Variants in MROH7 observed in about 807,000 individuals in gnomAD.
The protein encoded by MROH7 is maestro heat like repeat family member 7.
Under a neutral mutation model 129.2 loss-of-function variants are expected in MROH7, and 113 were observed. That is an observed-to-expected ratio of 0.87 (90% CI 0.75 to 1.02). The LOEUF (loss-of-function observed/expected upper bound fraction) is 1.02, where lower values mean the gene tolerates loss of function less well. MROH7 is among the 50% of genes least tolerant of loss of function. The probability of loss-of-function intolerance (pLI) is 0.00; values close to 1 mark genes in which losing one functional copy is unlikely to be tolerated. For synonymous variants in MROH7, 655 were observed against 667.9 expected (o/e 0.98, Z 0.30); for missense variants, 1,601 against 1,671.3 (o/e 0.96, Z 0.73).
chr1:54,668,363 A>G (rs111946652), intron 4 of MROH7, among the ~76,000 whole-genome samples: 35 of 152,326 alleles, frequency 2.3e-4, no homozygotes, highest in African/African-American at 7.9e-4. Flanking sequence ...CTTCTTTACT[A>G]TATGAAATTA....
At chr1:54,675,969 A>G (rs1055069578) in intron 10 of MROH7, among the ~76,000 whole-genome samples, 3 of 151,728 alleles carry the variant, frequency 2.0e-5, no homozygotes, top group African/African-American at 4.9e-5. Context: ...AGAAAGAAAG[A>G]AAGGAAAATG....
At chr1:54,678,220 G>A (rs1228336289) in intron 10 of MROH7, among the ~76,000 whole-genome samples, 1 of 152,186 alleles carries the variant, frequency 6.6e-6, no homozygotes, top group Non-Finnish European at 1.5e-5. Context: ...TAACAACTGT[G>A]TAGATATACT....
At chr1:54,670,741 G>A (rs927984117) in intron 6 of MROH7, 59 bp from the exon 7 acceptor site, 63 of 1,347,088 alleles carry the variant, frequency 4.7e-5, no homozygotes, top group East Asian at 1.7e-4. Flanking sequence ...CTCAGCCCCC[G>A]TCTATAGCCA....
intron 3 of MROH7, among the ~76,000 whole-genome samples, chr1:54,663,046 C>A (rs945456959): frequency 1.3e-5 from 2 of 152,136 alleles, no homozygotes; most frequent in African/African-American, 4.8e-5. Flanking sequence ...GTTACTGATG[C>A]TGTTTGCTTT....
Position 54,668,883 on chromosome 1 carries a change from C to T in MROH7, c.1335C>T (p.Ser445=). The part of the protein sequence containing the change: ...LVENVTTLQK[S]QDLLEAEGEK... ...AGAATGTCACCACCCTTCAGAAGAG[C>T]CAGGATCTGCTGGAGGCAGAAGGAG... The change falls in exon 5 of 24, where the codon AGC becomes AGT. Residue 445 remains serine, a synonymous_variant. Coordinates refer to ENST00000421030, the MANE Select transcript of MROH7 (RefSeq NM_001039464.4). The T allele has an allele frequency of 6.2e-7, 1 of 1,613,908 alleles. No individual in the cohort carries two copies.
At chr1:54,657,877 T>C (rs1644673414) in intron 3 of MROH7, among the ~76,000 whole-genome samples, 1 of 152,062 alleles carries the variant, frequency 6.6e-6, no homozygotes, top group Non-Finnish European at 1.5e-5. Flanking sequence ...GCCAGGCTAC[T>C]CTCAAACTCC....
At chr1:54,694,630 T>A (rs1355480604) in intron 16 of MROH7, among the ~76,000 whole-genome samples, 1 of 151,948 alleles carries the variant, frequency 6.6e-6, no homozygotes, top group Non-Finnish European at 1.5e-5. Context: ...CCACACCCAG[T>A]CAATTTTTTT....
intron 1 of MROH7, among the ~76,000 whole-genome samples, chr1:54,649,000 G>A (rs375592468): frequency 2.0e-5 from 3 of 152,202 alleles, no homozygotes; most frequent in Non-Finnish European, 4.4e-5. Flanking sequence ...GGGAAAAATG[G>A]AGAGTCTGTT....
At chr1:54,647,622 C>T (rs1370671200) in intron 1 of MROH7, among the ~76,000 whole-genome samples, 2 of 152,108 alleles carry the variant, frequency 1.3e-5, no homozygotes, top group Non-Finnish European at 2.9e-5. Flanking sequence ...CACCTGTAAT[C>T]CCAGCTACTG....
At chr1:54,679,215 G>T in intron 11 of MROH7, 48 bp from the exon 12 acceptor site, 1 of 1,602,252 alleles carries the variant, frequency 6.2e-7, no homozygotes, top group Non-Finnish European at 8.6e-7. Context: ...GAAGCTCAAA[G>T]CTCGGGCTAC....
At chr1:54,646,673 A>G (rs1407949270) in intron 1 of MROH7, among the ~76,000 whole-genome samples, 1 of 152,236 alleles carries the variant, frequency 6.6e-6, no homozygotes, top group Non-Finnish European at 1.5e-5. Flanking sequence ...CACCCAGCAT[A>G]AAATTGACCA....
chr1:54,698,313 A>G (rs562595267), intron 17 of MROH7: 1 of 152,652 alleles, frequency 6.6e-6, no homozygotes, highest in East Asian at 1.9e-4. Context: ...AGTGCCTGGC[A>G]CATAGGAAGT....
At position 54,701,153 on chromosome 1, in the gene MROH7, T is replaced by A; in HGVS notation, c.3116T>A (p.Val1039Glu). ...GCTCCTGCCCCACAGACCGCCAAGG[T>A]GAAGGCCCTCCTGCCCTCCATGGTG... Reference protein sequence around the residue: ...LARRSEKTAKVKALLPSMVKG... With the variant: ...LARRSEKTAKEKALLPSMVKG... Residue 1039 changes from valine to glutamate, a missense_variant, in exon 19 of 24, where the codon GTG becomes GAG. By Grantham distance (121) the Val-to-Glu change is moderately radical (BLOSUM62 -2). Transcript: ENST00000421030. The A allele has an allele frequency of 6.2e-7, 1 of 1,613,616 alleles. No individual in the cohort carries two copies. Among genetic ancestry groups the A allele is most frequent in the South Asian group, 1.1e-5 (1 of 91,044 alleles).
At chr1:54,679,121 G>A in intron 11 of MROH7, 142 bp from the exon 12 acceptor site, 1 of 875,604 alleles carries the variant, frequency 1.1e-6, no homozygotes, top group East Asian at 2.4e-5. Context: ...CAACACTTAT[G>A]TGTTAACTGA....
intron 15 of MROH7, among the ~76,000 whole-genome samples, chr1:54,688,165 A>T (rs1275754375): frequency 6.9e-6 from 1 of 145,906 alleles, no homozygotes; most frequent in Non-Finnish European, 1.5e-5. Flanking sequence ...GGTTACAGTG[A>T]GCCAAGATTG....
At chr1:54,700,944 C>G (rs988440282) in intron 18 of MROH7, among the ~76,000 whole-genome samples, 199 bp from the exon 19 acceptor site, 10 of 152,206 alleles carry the variant, frequency 6.6e-5, no homozygotes, top group African/African-American at 2.4e-4. Flanking sequence ...TCCTGGCCAA[C>G]GAGTCAGTGA....
chr1:54,679,168 G>A, intron 11 of MROH7, 95 bp from the exon 12 acceptor site: 2 of 1,238,002 alleles, frequency 1.6e-6, no homozygotes, highest in East Asian at 4.6e-5. Flanking sequence ...CTGCATGTGG[G>A]CGTCAGGCAG....
intron 15 of MROH7, among the ~76,000 whole-genome samples, chr1:54,690,904 A>G (rs1217633550): frequency 3.3e-5 from 5 of 152,160 alleles, no homozygotes; most frequent in Admixed American, 2.6e-4. Flanking sequence ...AAGGTGTCCA[A>G]AATGATGACC....
In MROH7 at chr1:54,709,929, C is replaced by T; in HGVS notation, c.3731-17C>T. On this transcript the variant is annotated splice_polypyrimidine_tract_variant and intron_variant, in intron 23 of 23. Transcript: ENST00000421030. ...CCTGGGTCTTAATAGGAGGCTTCTC[C>T]CTTCCCCATGACGCAGCTCTGGATA... is the stretch of plus-strand genomic sequence containing the variant. 6.2e-7 allele frequency: 1 copy of T among 1,605,270 alleles called. No homozygotes were observed. The highest frequency in any genetic ancestry group is 1.1e-5 in the South Asian group (1 of 90,882).
Sources: gnomAD v4.1 joint callset for allele counts (sites outside exome capture counted in the v4.1 genomes callset) on GRCh38, gnomAD v4.1.1 for gene constraint, MANE v1.5 for transcripts, NCBI Gene and HGNC (gene_info 2026-07-23, HGNC 2026-07-21) for gene names.